Variants in CCDC121 observed in about 807,000 individuals in gnomAD.
The protein encoded by CCDC121 is coiled-coil domain-containing protein 121.
For missense variants in CCDC121, 238 were observed against 304.1 expected, an observed-to-expected ratio of 0.78 and a Z score of 1.62; for synonymous variants, 108 against 120.0, an observed-to-expected ratio of 0.90 and a Z score of 0.65.
Position 27,627,393 on chromosome 2 carries a change from G to A in CCDC121, c.407C>T (p.Ala136Val), listed in dbSNP as rs747877752. 2 of 1,614,158 alleles carry A rather than the reference G, an allele frequency of 1.2e-6. No homozygotes were observed. Among genetic ancestry groups the A allele is most frequent in the Admixed American group, 1.7e-5 (1 of 60,024 alleles). Reference protein sequence around the residue: ...EETKKVQAETASKTREVQAQL... With the variant: ...EETKKVQAETVSKTREVQAQL... ...GGCCTGTACTTCCCGTGTCTTTGAAGCTGTCTCAGCTTGGACTTTCTTTGT... is the reference window on the plus strand; with the variant it reads ...GGCCTGTACTTCCCGTGTCTTTGAAACTGTCTCAGCTTGGACTTTCTTTGT... Residue 136 changes from alanine to valine, a missense_variant, in exon 2 of 2, where the codon GCT becomes GTT. Physicochemically the swap from Ala to Val is moderately conservative, Grantham distance 64 (BLOSUM62 0). Coordinates refer to ENST00000324364, the MANE Select transcript of CCDC121 (RefSeq NM_024584.5).
intron 1 of CCDC121, chr2:27,628,396 C>T (rs1248214595): frequency 1.9e-6 from 3 of 1,550,980 alleles, no homozygotes; most frequent in Middle Eastern, 1.7e-4. Flanking sequence ...CTACTTGCAC[C>T]TGGAATCCAA....
Position 27,626,946 on chromosome 2 carries a change from C to A in CCDC121, c.*17G>T. 6.5e-7 allele frequency: 1 copy of A among 1,539,766 alleles called. No homozygotes were observed. The highest frequency in any genetic ancestry group is 8.9e-7 in the Non-Finnish European group (1 of 1,128,014). ...GTACTTGCTCCAGTTCTTATTTAAT[C>A]AGTGTTATTTTAGAAGTTACTTTGG... On this transcript the variant is annotated 3_prime_UTR_variant, in exon 2 of 2. Transcript: ENST00000324364.
At position 27,626,141 on chromosome 2, in the gene CCDC121, ACAT is replaced by A. The variant is rs1224716875; in HGVS notation, c.*819_*821del. ...AAAACTAAAGCATTTAGGATAACAA[ACAT>A]CATTTTACTTGCTATCTTTTAGAAT... On this transcript the variant is annotated 3_prime_UTR_variant, in exon 2 of 2. Coordinates refer to ENST00000324364, the MANE Select transcript of CCDC121 (RefSeq NM_024584.5). 6.6e-6 allele frequency: 1 copy of A among 152,366 alleles called. No individual in the cohort carries two copies. The highest frequency in any genetic ancestry group is 1.5e-5 in the Non-Finnish European group (1 of 68,030). The allele number at this position is 152,366 out of a possible 1,614,324, so 9.4% of individuals were successfully genotyped here. A position where few individuals can be genotyped will look rare whatever the true frequency, so the allele number is the denominator to read the frequency against.
In CCDC121 at chr2:27,627,007, G is replaced by A. The variant is rs750102444; in HGVS notation, c.793C>T (p.Pro265Ser). Residue 265 changes from proline (P) to serine (S), a missense_variant, in exon 2 of 2, where the codon CCC becomes TCC. By Grantham distance (74) the Pro-to-Ser change is moderately conservative. Coordinates refer to ENST00000324364, the MANE Select transcript of CCDC121 (RefSeq NM_024584.5). ...GATTTGGTGCCTTGGGGAAGACTGG[G>A]TGTGGTCTTTGGAACATCCTGTCTA... ...LNRQDVPKTTPSLPQGTKSRI... is the reference protein window; with the variant it reads ...LNRQDVPKTTSSLPQGTKSRI... 1 of 1,613,146 alleles carries A rather than the reference G, an allele frequency of 6.2e-7. No individual in the cohort carries two copies. Among genetic ancestry groups the A allele is most frequent in the South Asian group, 1.1e-5 (1 of 90,838 alleles).
chr2:27,626,804 G>A lies in CCDC121; in HGVS notation c.*159C>T, dbSNP rs1673291607. On this transcript the variant is annotated 3_prime_UTR_variant, in exon 2 of 2. Transcript: ENST00000324364. ...AGGGAAGCTGGTTACCAAATATCTAGTAGGACTGTTGGATAAAACCATCTA... is the reference window on the plus strand; with the variant it reads ...AGGGAAGCTGGTTACCAAATATCTAATAGGACTGTTGGATAAAACCATCTA... 3 of 597,758 alleles carry A rather than the reference G, an allele frequency of 5.0e-6. No homozygotes were observed. The highest frequency in any genetic ancestry group is 5.2e-5 in the South Asian group (2 of 38,800). The allele number at this position is 597,758 out of a possible 1,614,324, so 37.0% of individuals were successfully genotyped here. A position where few individuals can be genotyped will look rare whatever the true frequency, so the allele number is the denominator to read the frequency against.
In CCDC121 at chr2:27,627,374, T is replaced by A. The variant is rs755146787; in HGVS notation, c.426A>T (p.Val142=). 1 of 1,614,186 alleles carries A rather than the reference T, an allele frequency of 6.2e-7. No homozygotes were observed. The highest frequency in any genetic ancestry group is 1.7e-5 in the Admixed American group (1 of 60,016). The change falls in exon 2 of 2, where the codon GTA becomes GTT. Residue 142 remains valine, a synonymous_variant. Transcript: ENST00000324364. ...QAETASKTRE[V]QAQLLQEKRL... ...TTTTCTCCTGGAGGAGCTGGGCCTG[T>A]ACTTCCCGTGTCTTTGAAGCTGTCT... is the stretch of plus-strand genomic sequence containing the variant.
Position 27,627,412 on chromosome 2 carries a change from T to C in CCDC121, c.388A>G (p.Lys130Glu), listed in dbSNP as rs1408461305. The part of the protein sequence containing the change: ...EIQTLQEETK[K>E]VQAETASKTR... ...TTTGAAGCTGTCTCAGCTTGGACTT[T>C]CTTTGTCTCCTCCTGTAATGTCTGT... Residue 130 changes from lysine (K) to glutamate (E), a missense_variant, in exon 2 of 2, where the codon AAA becomes GAA. Coordinates refer to ENST00000324364, the MANE Select transcript of CCDC121 (RefSeq NM_024584.5). 1 of 1,614,070 alleles carries C rather than the reference T, an allele frequency of 6.2e-7. No homozygotes were observed. Among genetic ancestry groups the C allele is most frequent in the Non-Finnish European group, 8.5e-7 (1 of 1,179,904 alleles).
intron 1 of CCDC121, 29 bp downstream of exon 1, chr2:27,628,921 G>A (rs981608749): frequency 2.5e-5 from 38 of 1,494,394 alleles, no homozygotes; most frequent in Non-Finnish European, 3.0e-5. Context: ...ACGCTAAGAA[G>A]ATGCCCTGGC....
rs1673300308 is a variant in CCDC121 at position 27,627,017 on chromosome 2, T to C, written c.783A>G (p.Pro261=). 6.2e-7 allele frequency: 1 copy of C among 1,613,832 alleles called. No homozygotes were observed. The highest frequency in any genetic ancestry group is 8.5e-7 in the Non-Finnish European group (1 of 1,179,880). ...CTTGGGGAAGACTGGGTGTGGTCTTTGGAACATCCTGTCTATTTAGGCACT... is the reference window on the plus strand; with the variant it reads ...CTTGGGGAAGACTGGGTGTGGTCTTCGGAACATCCTGTCTATTTAGGCACT... ...HNQCLNRQDV[P]KTTPSLPQGT... Residue 261 remains proline, a synonymous_variant, in exon 2 of 2, where the codon CCA becomes CCG. Transcript: ENST00000324364.
At chr2:27,628,011 G>C in intron 1 of CCDC121, 94 bp from the exon 2 acceptor site, 3 of 874,994 alleles carry the variant, frequency 3.4e-6, no homozygotes, top group South Asian at 3.3e-5. Context: ...GAATATTTCT[G>C]AGCACCAGAA....
Position 27,627,792 on chromosome 2 carries a change from TC to T in CCDC121, c.7del (p.Asp3IlefsTer2), listed in dbSNP as rs143529534. 9.9e-4 allele frequency: 1,599 copies of T among 1,614,162 alleles called. 3 individuals carry two copies. The highest frequency in any genetic ancestry group is 8.9e-4 in the Non-Finnish European group (1,054 of 1,180,022). On this transcript the variant is annotated frameshift_variant, in exon 2 of 2. Coordinates refer to ENST00000324364, the MANE Select transcript of CCDC121 (RefSeq NM_024584.5). LOFTEE classifies it low-confidence loss of function (END_TRUNC). ...AGCTTGTTTTATATGCTTGTTCAGATCCGTCATTTCCGCCACTATCTTTTCT... is the reference window on the plus strand; with the variant it reads ...AGCTTGTTTTATATGCTTGTTCAGATCGTCATTTCCGCCACTATCTTTTCT... MTDLNKHIKQAQT... is the reference protein window; with the variant it reads MTXLNKHIKQAQT...
At position 27,626,884 on chromosome 2, in the gene CCDC121, A is replaced by G; in HGVS notation, c.*79T>C. Reference sequence around the variant, plus strand: ...ATTTTACAATAGCAATCTGGAATCCAACAGCCTTTCTAACCAGGTTAATGT... The same window carrying G: ...ATTTTACAATAGCAATCTGGAATCCGACAGCCTTTCTAACCAGGTTAATGT... On this transcript the variant is annotated 3_prime_UTR_variant, in exon 2 of 2. Coordinates refer to ENST00000324364, the MANE Select transcript of CCDC121 (RefSeq NM_024584.5). 1.9e-6 allele frequency: 2 copies of G among 1,030,000 alleles called. No homozygotes were observed. Among genetic ancestry groups the G allele is most frequent in the Non-Finnish European group, 2.9e-6 (2 of 696,610 alleles). 63.8% of individuals were successfully genotyped at this position (1,030,000 alleles called of 1,614,324 possible).
Position 27,627,355 on chromosome 2 carries a change from C to G in CCDC121, c.445G>C (p.Glu149Gln). The change falls in exon 2 of 2, where the codon GAG (glutamate) becomes CAG (glutamine). Residue 149 changes from glutamate to glutamine, a missense_variant. Glu to Gln is a conservative substitution (Grantham distance 29). Transcript: ENST00000324364. ...TREVQAQLLQ[E>Q]KRLLEKQLSE... ...AGTTGTTTCTCCAGTAATCTTTTCT[C>G]CTGGAGGAGCTGGGCCTGTACTTCC... 2 of 1,613,982 alleles carry G rather than the reference C, an allele frequency of 1.2e-6. No homozygotes were observed. The highest frequency in any genetic ancestry group is 1.7e-6 in the Non-Finnish European group (2 of 1,179,906).
rs1673303308 is a variant in CCDC121 at position 27,627,071 on chromosome 2, C to T, written c.729G>A (p.Ala243=). ...EQWYLESLIQ[A]RQRLQGSHNQ... The stretch of plus-strand genomic sequence containing the variant: ...TATGACTTCCTTGCAGTCTCTGCCT[C>T]GCCTGGATTAAGGACTCCAGATACC... The change falls in exon 2 of 2, where the codon GCG becomes GCA. Residue 243 remains alanine, a synonymous_variant. Transcript: ENST00000324364. 6.2e-7 allele frequency: 1 copy of T among 1,614,088 alleles called. No individual in the cohort carries two copies. The highest frequency in any genetic ancestry group is 1.3e-5 in the African/African-American group (1 of 74,916).
At chr2:27,628,696 T>C in intron 1 of CCDC121, 1 of 1,551,678 alleles carries the variant, frequency 6.4e-7, no homozygotes, top group Non-Finnish European at 8.7e-7. Context: ...CCCCGTTCTC[T>C]GTGGGCTCAA....
rs1481965648 is a variant in CCDC121 at position 27,626,206 on chromosome 2, T to C, written c.*757A>G. ...AATCGATGGCACTTAAAAAAAAAGT[T>C]GTCCAAATATTTCAACTTTTTTTGG... On this transcript the variant is annotated 3_prime_UTR_variant, in exon 2 of 2. Transcript: ENST00000324364. The C allele has an allele frequency of 6.6e-6, 1 of 152,332 alleles. No homozygotes were observed. The highest frequency in any genetic ancestry group is 1.5e-5 in the Non-Finnish European group (1 of 68,036). 9.4% of individuals were successfully genotyped at this position (152,332 alleles called of 1,614,324 possible). A position where few individuals can be genotyped will look rare whatever the true frequency, so the allele number is the denominator to read the frequency against.
In CCDC121 at chr2:27,627,556, G is replaced by T; in HGVS notation, c.244C>A (p.Gln82Lys). Residue 82 changes from glutamine to lysine, a missense_variant, in exon 2 of 2, where the codon CAA becomes AAA. Gln to Lys is a moderately conservative substitution (Grantham distance 53). Transcript: ENST00000324364. ...AGCGCTGTTTTAAGCACTGAAATTT[G>T]TTCTGCATATCTGGAGGCTGATTCT... is the stretch of plus-strand genomic sequence containing the variant. The part of the protein sequence containing the change: ...RQESASRYAE[Q>K]ISVLKTALLQ... 1.2e-6 allele frequency: 2 copies of T among 1,614,140 alleles called. No individual in the cohort carries two copies. Among genetic ancestry groups the T allele is most frequent in the Non-Finnish European group, 8.5e-7 (1 of 1,180,042 alleles).
At position 27,627,314 on chromosome 2, in the gene CCDC121, C is replaced by T. The variant is rs762399725; in HGVS notation, c.486G>A (p.Arg162=). The T allele has an allele frequency of 1.9e-6, 3 of 1,614,014 alleles. No individual in the cohort carries two copies. The highest frequency in any genetic ancestry group is 2.2e-5 in the South Asian group (2 of 91,078). Residue 162 remains arginine (R), a synonymous_variant, in exon 2 of 2, where the codon AGG becomes AGA. Coordinates refer to ENST00000324364, the MANE Select transcript of CCDC121 (RefSeq NM_024584.5). ...TTCTTTTTCTCTTTCCCAGTAGCCT[C>T]CTGTCTGGCTCGCTCAGTTGTTTCT... The part of the protein sequence containing the change: ...LLEKQLSEPD[R]RLLGKRKRRE...
Position 27,627,784 on chromosome 2 carries a change from T to G in CCDC121, c.16A>C (p.Lys6Gln). The change falls in exon 2 of 2, where the codon AAG (lysine) becomes CAG (glutamine). Residue 6 changes from lysine (K) to glutamine (Q), a missense_variant. Physicochemically the swap from Lys to Gln is moderately conservative, Grantham distance 53. Coordinates refer to ENST00000324364, the MANE Select transcript of CCDC121 (RefSeq NM_024584.5). ...TGGGTTTGAGCTTGTTTTATATGCTTGTTCAGATCCGTCATTTCCGCCACT... is the reference window on the plus strand; with the variant it reads ...TGGGTTTGAGCTTGTTTTATATGCTGGTTCAGATCCGTCATTTCCGCCACT... MTDLN[K>Q]HIKQAQTQRK... 6 of 1,614,170 alleles carry G rather than the reference T, an allele frequency of 3.7e-6. No homozygotes were observed. The highest frequency in any genetic ancestry group is 5.1e-6 in the Non-Finnish European group (6 of 1,180,034).
Sources: allele counts gnomAD v4.1 joint callset, GRCh38; gene constraint gnomAD v4.1.1; transcripts MANE v1.5; gene names NCBI Gene and HGNC (gene_info 2026-07-23, HGNC 2026-07-21).